AMOTL1: variants seen among roughly 807,000 people sequenced by gnomAD.
AMOTL1 encodes the protein angiomotin like 1, also known as angiomotin-like protein 1.
Under a neutral mutation model 102.9 loss-of-function variants are expected in AMOTL1, and 45 were observed. The ratio of observed to expected loss-of-function variants is 0.44; its 90% confidence interval spans 0.34 to 0.56. The LOEUF is 0.56. Among genes scored for constraint, AMOTL1 ranks in the 20% least tolerant of loss-of-function variants. AMOTL1 has a pLI of 0.01. For missense variants in AMOTL1, 1,114 were observed against 1,225.6 expected (o/e 0.91, Z 1.36); for synonymous variants, 481 against 484.7 (o/e 0.99, Z 0.10).
intron 8 of AMOTL1, 149 bp downstream of exon 8, chr11:94,854,231 AC>A: frequency 9.4e-7 from 1 of 1,058,824 alleles, no homozygotes; most frequent in Non-Finnish European, 1.3e-6. Flanking sequence ...CCATACAACA[AC>A]CAGGAGAGAA....
At chr11:94,712,053 G>C (rs1205686009) in intron 1 of AMOTL1, among the ~76,000 whole-genome samples, 1 of 152,032 alleles carries the variant, frequency 6.6e-6, no homozygotes, top group Admixed American at 6.6e-5. Context: ...AATATTTTAT[G>C]TTACCACCAG....
At position 94,859,626 on chromosome 11, in the gene AMOTL1, C is replaced by G; in HGVS notation, c.2046C>G (p.Ala682=). 1.2e-6 allele frequency: 2 copies of G among 1,613,596 alleles called. No homozygotes were observed. Among genetic ancestry groups the G allele is most frequent in the Non-Finnish European group, 1.7e-6 (2 of 1,179,712 alleles). Reference sequence around the variant, plus strand: ...AGGAGCGGATCCTGGCCCTGGAGGCCGACATGACAAAGTGGGAGCAGAAGT... The same window carrying G: ...AGGAGCGGATCCTGGCCCTGGAGGCGGACATGACAAAGTGGGAGCAGAAGT... ...EKEERILALE[A]DMTKWEQKYL... is the part of the protein sequence containing the mutation. The change falls in exon 9 of 13, where the codon GCC becomes GCG. Residue 682 remains alanine (A), a synonymous_variant. Transcript: ENST00000433060.
At position 94,838,065 on chromosome 11, in the gene AMOTL1, C is replaced by T. The variant is rs116083448; in HGVS notation, c.1648+6524C>T. The stretch of plus-strand genomic sequence containing the variant: ...TGCTTAGGGAAGAGTTCCTGAGATA[C>T]GGTTAAATCTTCCTTTTATATACTC... On this transcript the variant is annotated intron_variant, in intron 6 of 12. Coordinates refer to ENST00000433060, the MANE Select transcript of AMOTL1 (RefSeq NM_130847.3). 2.2e-3 allele frequency among the ~76,000 whole-genome samples: 336 copies of T among 152,306 alleles called. 3 individuals are homozygous for T. The highest frequency in any genetic ancestry group is 7.3e-3 in the African/African-American group (302 of 41,562).
chr11:94,793,915 T>C (rs1951324182), intron 1 of AMOTL1, among the ~76,000 whole-genome samples: 1 of 152,248 alleles, frequency 6.6e-6, no homozygotes, highest in South Asian at 2.1e-4. Context: ...CTGTAATACA[T>C]GTGAGCACAC....
At position 94,777,679 on chromosome 11, in the gene AMOTL1, G is replaced by A. The variant is rs139568381; in HGVS notation, c.49+9119G>A. 6.7e-4 allele frequency among the ~76,000 whole-genome samples: 102 copies of A among 152,218 alleles called. 1 individual carries two copies. Among genetic ancestry groups the A allele is most frequent in the African/African-American group, 2.4e-3 (98 of 41,536 alleles). On this transcript the variant is annotated intron_variant, in intron 1 of 12. Transcript: ENST00000433060. ...TGTATTAAATTTAGTAATTTATTTA[G>A]GCAGTAGTCACAATTATGCTAATTG...
intron 1 of AMOTL1, among the ~76,000 whole-genome samples, chr11:94,787,414 T>A (rs1951207845): frequency 6.6e-6 from 1 of 151,940 alleles, no homozygotes. Flanking sequence ...TAGTGCTAAG[T>A]CATGTAGTAC....
At chr11:94,743,113 A>G (rs1279384329) in intron 3 of AMOTL1, among the ~76,000 whole-genome samples, 1 of 152,182 alleles carries the variant, frequency 6.6e-6, no homozygotes, top group Non-Finnish European at 1.5e-5. Context: ...ATAAAACAGA[A>G]GCCTGAGAGT....
intron 9 of AMOTL1, 120 bp from the exon 10 acceptor site, chr11:94,864,615 C>G (rs545046151): frequency 7.3e-7 from 1 of 1,368,338 alleles, no homozygotes; most frequent in Non-Finnish European, 9.8e-7. Context: ...TGAGCCAATG[C>G]GAGATGCAGA....
chr11:94,850,944 T>C (rs1160311796), intron 7 of AMOTL1, among the ~76,000 whole-genome samples: 7 of 152,198 alleles, frequency 4.6e-5, no homozygotes. Context: ...TTAAAAAAAC[T>C]GTCTCTTCAG....
intron 6 of AMOTL1, among the ~76,000 whole-genome samples, chr11:94,833,147 G>C (rs1952107841): frequency 6.6e-6 from 1 of 152,246 alleles, no homozygotes; most frequent in African/African-American, 2.4e-5. Context: ...AAACACAAGA[G>C]ACCAGAGGCA....
chr11:94,719,808 C>G (rs1381963383), intron 1 of AMOTL1, among the ~76,000 whole-genome samples: 1 of 152,040 alleles, frequency 6.6e-6, no homozygotes, highest in Admixed American at 6.6e-5. Context: ...TGATAGAAAC[C>G]CAAGTCTATG....
chr11:94,735,545 AAT>A (rs1429988901), intron 2 of AMOTL1, among the ~76,000 whole-genome samples: 1 of 152,192 alleles, frequency 6.6e-6, no homozygotes, highest in Non-Finnish European at 1.5e-5. Flanking sequence ...ATGACTTTTT[AAT>A]ATACTTTCTT....
intron 3 of AMOTL1, among the ~76,000 whole-genome samples, chr11:94,758,525 G>T (rs1311451300): frequency 6.6e-6 from 1 of 152,190 alleles, no homozygotes; most frequent in Non-Finnish European, 1.5e-5. Context: ...AGACCAATGG[G>T]ATAGTCATAG....
chr11:94,779,293 C>T (rs1951073322), intron 1 of AMOTL1, among the ~76,000 whole-genome samples: 1 of 152,122 alleles, frequency 6.6e-6, no homozygotes, highest in Non-Finnish European at 1.5e-5. Context: ...TAAGATTGAT[C>T]CCCTCCCCAC....
At position 94,739,510 on chromosome 11, in the gene AMOTL1, T is replaced by G. The variant is rs528238140; in HGVS notation, c.86-1428T>G. Among the ~76,000 whole-genome samples, 11 of 152,044 alleles carry G rather than the reference T, an allele frequency of 7.2e-5. No homozygotes were observed. The Middle Eastern group carries it at 0.01, about 141-fold the overall frequency. On this transcript the variant is annotated intron_variant, in intron 2 of 4. Coordinates refer to the AMOTL1 transcript ENST00000299004. ...TGATTTGTAAACCAAAAACTGACAG[T>G]GGAAAAGCCAGAGATGGCTGAGTGT...
chr11:94,859,437 T>G (rs996451563), intron 8 of AMOTL1, 88 bp from the exon 9 acceptor site: 4 of 1,286,198 alleles, frequency 3.1e-6, no homozygotes, highest in African/African-American at 3.0e-5. Flanking sequence ...CTGCAGGATC[T>G]GGGGAACCTC....
intron 6 of AMOTL1, among the ~76,000 whole-genome samples, chr11:94,845,448 A>C (rs1952390786): frequency 6.6e-6 from 1 of 152,184 alleles, no homozygotes; most frequent in Non-Finnish European, 1.5e-5. Flanking sequence ...TGTGAGGATT[A>C]TATGTTGTAA....
At chr11:94,827,116 G>T (rs533689975) in intron 4 of AMOTL1, among the ~76,000 whole-genome samples, 1 of 152,190 alleles carries the variant, frequency 6.6e-6, no homozygotes, top group Non-Finnish European at 1.5e-5. Flanking sequence ...CATGGGCAAG[G>T]CATAGTTCTA....
chr11:94,793,045 CTCT>C (rs1004213763), intron 1 of AMOTL1, among the ~76,000 whole-genome samples: 1 of 152,146 alleles, frequency 6.6e-6, no homozygotes. Context: ...CAGCCCTACA[CTCT>C]TCTTTATACA....
Sources: gnomAD v4.1 joint callset for allele counts (sites outside exome capture counted in the v4.1 genomes callset) on GRCh38, gnomAD v4.1.1 for gene constraint, MANE v1.5 for transcripts, NCBI Gene and HGNC (gene_info 2026-07-23, HGNC 2026-07-21) for gene names.